ATP2C2: variants seen among roughly 807,000 people sequenced by gnomAD.
ATP2C2 encodes the protein calcium-transporting ATPase type 2C member 2.
A neutral mutation model predicts 110.8 loss-of-function variants in ATP2C2; 171 were observed. The observed-to-expected ratio is 1.54, with a 90% CI of 1.36 to 1.75. The LOEUF (loss-of-function observed/expected upper bound fraction) is 1.75, where lower values mean the gene tolerates loss of function less well. ATP2C2 is among the 40% of genes most tolerant of loss of function. The pLI is 0.00. For missense variants in ATP2C2, 1,963 were observed against 1,235.0 expected, an observed-to-expected ratio of 1.59 and a Z score of -8.84; for synonymous variants, 804 against 508.4, an observed-to-expected ratio of 1.58 and a Z score of -7.82.
chr16:84,412,894 A>G lies in ATP2C2; in HGVS notation c.515+2129A>G, dbSNP rs548448402. The stretch of plus-strand genomic sequence containing the variant: ...GCAGCTCACCTGAGGTCAGGAGTTC[A>G]AGACCAGCCTGGCCAACATGGTGAA... On this transcript the variant is annotated intron_variant, in intron 6 of 26. Transcript: ENST00000262429. Among the ~76,000 whole-genome samples, 52 of 152,024 alleles carry G rather than the reference A, an allele frequency of 3.4e-4. No individual in the cohort carries two copies. In the South Asian group the frequency reaches 8.8e-3, roughly 26 times the overall value.
intron 17 of ATP2C2, among the ~76,000 whole-genome samples, chr16:84,449,746 G>A (rs1401172932): frequency 6.6e-6 from 1 of 152,218 alleles, no homozygotes. Context: ...TGGCACGTGG[G>A]TGGCAGCTGC....
chr16:84,423,304 G>T, intron 10 of ATP2C2, 41 bp downstream of exon 10: 1 of 1,575,490 alleles, frequency 6.3e-7, no homozygotes, highest in South Asian at 1.1e-5. Context: ...TTCTGCAGAT[G>T]GAGGGGAGCC....
chr16:84,390,684 G>A (rs1364594752), intron 1 of ATP2C2, among the ~76,000 whole-genome samples: 2 of 152,174 alleles, frequency 1.3e-5, no homozygotes, highest in Non-Finnish European at 2.9e-5. Flanking sequence ...GGCGGTGAAA[G>A]TGTTTGGGGA....
At chr16:84,402,164 T>G (rs1905367917) in intron 2 of ATP2C2, among the ~76,000 whole-genome samples, 1 of 152,234 alleles carries the variant, frequency 6.6e-6, no homozygotes, top group Non-Finnish European at 1.5e-5. Flanking sequence ...TCTTTATCAT[T>G]TGAGTTTGTA....
intron 1 of ATP2C2, among the ~76,000 whole-genome samples, chr16:84,387,804 G>A (rs1011692729): frequency 1.3e-5 from 2 of 152,084 alleles, no homozygotes; most frequent in African/African-American, 4.8e-5. Flanking sequence ...ATCGCCTGGG[G>A]GACTGGGTGT....
intron 1 of ATP2C2, among the ~76,000 whole-genome samples, chr16:84,378,796 G>A (rs1042737581): frequency 1.3e-5 from 2 of 152,198 alleles, no homozygotes; most frequent in Non-Finnish European, 2.9e-5. Flanking sequence ...CAGAGATTGA[G>A]CAAAGTGCAG....
At chr16:84,443,733 T>A (rs1312712128) in intron 15 of ATP2C2, among the ~76,000 whole-genome samples, 1 of 152,154 alleles carries the variant, frequency 6.6e-6, no homozygotes, top group Admixed American at 6.5e-5. Flanking sequence ...TGTTATCAGC[T>A]TACCTGTCCC....
At position 84,410,690 on chromosome 16, in the gene ATP2C2, G is replaced by A; in HGVS notation, c.454-14G>A. 6.2e-7 allele frequency: 1 copy of A among 1,614,122 alleles called. No homozygotes were observed. Among genetic ancestry groups the A allele is most frequent in the Non-Finnish European group, 8.5e-7 (1 of 1,179,998 alleles). On this transcript the variant is annotated splice_polypyrimidine_tract_variant and intron_variant, in intron 5 of 26. Transcript: ENST00000262429. Reference sequence around the variant, plus strand: ...CCCACCTTTAAACAGCACATCTGATGTGCTTCCTGCCAGGAGTACAGGTCG... The same window carrying A: ...CCCACCTTTAAACAGCACATCTGATATGCTTCCTGCCAGGAGTACAGGTCG...
chr16:84,458,367 G>C (rs1448554508), intron 21 of ATP2C2, among the ~76,000 whole-genome samples: 3 of 85,228 alleles, frequency 3.5e-5, no homozygotes, highest in African/African-American at 1.3e-4. Flanking sequence ...GGGGGGGAGG[G>C]ATAGCATCGG....
chr16:84,384,004 G>C (rs772998559), intron 1 of ATP2C2, among the ~76,000 whole-genome samples: 1 of 152,020 alleles, frequency 6.6e-6, no homozygotes, highest in Non-Finnish European at 1.5e-5. Flanking sequence ...GTCCAGGCTG[G>C]TCTCAAACTC....
intron 17 of ATP2C2, among the ~76,000 whole-genome samples, chr16:84,449,896 C>A (rs1034574428): frequency 6.6e-6 from 1 of 152,226 alleles, no homozygotes; most frequent in African/African-American, 2.4e-5. Context: ...TCTAAATCTG[C>A]ACCTGGCACT....
intron 26 of ATP2C2, 100 bp downstream of exon 26, chr16:84,462,229 G>A (rs1911451125): frequency 5.4e-6 from 8 of 1,480,592 alleles, no homozygotes; most frequent in Non-Finnish European, 7.3e-6. Flanking sequence ...GTCAGTGCGG[G>A]AAAGCAGAGC....
rs1863529687 is a variant in ATP2C2, at chr16:84,463,923, C to T, written c.*191C>T. On this transcript the variant is annotated 3_prime_UTR_variant, in exon 27 of 27. Transcript: ENST00000262429. Reference sequence around the variant, plus strand: ...CCCAGGCCCACATCCATCCAGCGTTCCCGCTGGCTGTGGGACAGACAGGGA... The same window carrying T: ...CCCAGGCCCACATCCATCCAGCGTTTCCGCTGGCTGTGGGACAGACAGGGA... 1 of 581,488 alleles carries T rather than the reference C, an allele frequency of 1.7e-6. No individual in the cohort carries two copies. The highest frequency in any genetic ancestry group is 3.1e-6 in the Non-Finnish European group (1 of 326,454). The allele number at this position is 581,488 out of a possible 1,614,324, so 36.0% of individuals were successfully genotyped here.
chr16:84,431,597 T>G (rs1597823723), intron 11 of ATP2C2, among the ~76,000 whole-genome samples: 1 of 151,544 alleles, frequency 6.6e-6, no homozygotes, highest in East Asian at 1.9e-4. Flanking sequence ...AGGAAGGGTG[T>G]TCAGGCAGGG....
chr16:84,381,624 G>A (rs1340732886), intron 1 of ATP2C2, among the ~76,000 whole-genome samples: 2 of 152,074 alleles, frequency 1.3e-5, no homozygotes, highest in East Asian at 3.9e-4. Context: ...CTACATAAGT[G>A]TCTTTTCCCT....
intron 2 of ATP2C2, chr16:84,404,903 G>A: frequency 1.6e-6 from 1 of 634,962 alleles, no homozygotes; most frequent in Non-Finnish European, 2.9e-6. Context: ...TAAGACCAGA[G>A]TCGTCTTTTC....
chr16:84,452,003 C>A lies in ATP2C2; in HGVS notation c.1743C>A (p.Gly581=). The A allele has an allele frequency of 1.9e-6, 3 of 1,612,818 alleles. No individual in the cohort carries two copies. Among genetic ancestry groups the A allele is most frequent in the Non-Finnish European group, 2.5e-6 (3 of 1,179,772 alleles). The change falls in exon 18 of 27, where the codon GGC becomes GGA. Residue 581 remains glycine, a synonymous_variant. Transcript: ENST00000262429. ...LVGIIDPPRV[G]VKEAVQVLSE... is the part of the protein sequence containing the mutation. Reference sequence around the variant, plus strand: ...GCATCATTGACCCCCCGAGAGTTGGCGTGAAGGAAGCAGTCCAGGTTCTCT... The same window carrying A: ...GCATCATTGACCCCCCGAGAGTTGGAGTGAAGGAAGCAGTCCAGGTTCTCT...
chr16:84,405,872 A>G (rs941602631), intron 3 of ATP2C2, among the ~76,000 whole-genome samples: 1 of 152,178 alleles, frequency 6.6e-6, no homozygotes, highest in East Asian at 1.9e-4. Context: ...GTGAACTGAG[A>G]TTGTGCCACT....
intron 13 of ATP2C2, among the ~76,000 whole-genome samples, chr16:84,440,259 A>T (rs1247006654): frequency 6.6e-6 from 1 of 152,208 alleles, no homozygotes; most frequent in African/African-American, 2.4e-5. Flanking sequence ...CAGCCTCCCA[A>T]GTCCTTGCGT....
Sources: allele counts gnomAD v4.1 joint callset (sites outside exome capture counted in the v4.1 genomes callset), GRCh38; gene constraint gnomAD v4.1.1; transcripts MANE v1.5; gene names NCBI Gene and HGNC (gene_info 2026-07-23, HGNC 2026-07-21).